CHM: variants seen among roughly 807,000 people sequenced by gnomAD.
CHM encodes the protein CHM Rab escort protein.
In CHM, 10 loss-of-function variants were observed where a neutral mutation model predicts 49.0. The ratio of observed to expected loss-of-function variants is 0.20; its 90% confidence interval spans 0.13 to 0.35. The LOEUF (loss-of-function observed/expected upper bound fraction) is 0.35. Among genes scored for constraint, CHM ranks in the 10% least tolerant of loss-of-function variants. CHM has a pLI of 1.00. For synonymous variants in CHM, 184 were observed against 167.5 expected (o/e 1.10, Z -0.76); for missense variants, 455 against 478.4 (o/e 0.95, Z 0.46).
intron 5 of CHM, among the ~76,000 whole-genome samples, chrX:85,963,238 C>T (rs894455874): frequency 5.4e-5 from 6 of 111,570 alleles, no homozygotes; most frequent in African/African-American, 2.0e-4. Flanking sequence ...CATGTGAACA[C>T]GATTTTTAAA....
intron 8 of CHM, among the ~76,000 whole-genome samples, chrX:85,938,964 C>T (rs1211924492): frequency 1.8e-5 from 2 of 111,556 alleles, no homozygotes; most frequent in Non-Finnish European, 3.8e-5. Context: ...GAGGAAAGTC[C>T]CATAAGATTC....
chrX:85,883,951 A>G (rs927430561), intron 12 of CHM, among the ~76,000 whole-genome samples: 1 of 111,233 alleles, frequency 9.0e-6, no homozygotes, highest in African/African-American at 3.3e-5. Context: ...ATGAGTAAGT[A>G]CTGCAAAGAA....
At chrX:85,901,544 T>TC (rs774361172) in intron 9 of CHM, among the ~76,000 whole-genome samples, 4 of 110,556 alleles carry the variant, frequency 3.6e-5, no homozygotes, top group East Asian at 2.8e-4. Context: ...GGCTTTTTTT[T>TC]CCCCCCTTCA....
intron 1 of CHM, among the ~76,000 whole-genome samples, chrX:86,045,452 A>G (rs1338299261): frequency 9.0e-6 from 1 of 110,749 alleles, no homozygotes; most frequent in Non-Finnish European, 1.9e-5. Context: ...TGTGCTTGAT[A>G]AAACCTAGAA....
intron 8 of CHM, among the ~76,000 whole-genome samples, chrX:85,934,189 G>A (rs763097382): frequency 6.5e-5 from 7 of 107,233 alleles, no homozygotes; most frequent in South Asian, 4.2e-4. Flanking sequence ...ACTGTGTTAC[G>A]CAGGATGGTC....
intron 2 of CHM, among the ~76,000 whole-genome samples, chrX:86,021,151 TATATATAC>T (rs1235137173): frequency 2.6e-4 from 13 of 49,280 alleles, no homozygotes; most frequent in Non-Finnish European, 4.2e-4. Context: ...TATATATATA[TATATATAC>T]ACGTATATAT....
At chrX:86,040,007 C>G (rs1934399935) in intron 1 of CHM, among the ~76,000 whole-genome samples, 1 of 111,770 alleles carries the variant, frequency 8.9e-6, no homozygotes, top group Non-Finnish European at 1.9e-5. Context: ...TTCATGTGAC[C>G]TCATTTCTCC....
At chrX:85,873,851 C>T (rs1924257565) in intron 13 of CHM, among the ~76,000 whole-genome samples, 1 of 111,411 alleles carries the variant, frequency 9.0e-6, no homozygotes, top group Non-Finnish European at 1.9e-5. Flanking sequence ...ACTTTGTTGT[C>T]CTAACTCACA....
At chrX:86,014,714 G>A (rs1176767684) in intron 2 of CHM, among the ~76,000 whole-genome samples, 2 of 111,922 alleles carry the variant, frequency 1.8e-5, no homozygotes, top group African/African-American at 3.2e-5. Flanking sequence ...GGCCAGGCAC[G>A]GTGGCTCACA....
intron 4 of CHM, among the ~76,000 whole-genome samples, chrX:85,972,904 G>T (rs1376914216): frequency 8.9e-6 from 1 of 112,335 alleles, no homozygotes; most frequent in Admixed American, 9.3e-5. Context: ...AGGACTGCCA[G>T]CACGCTGTCA....
rs1932587023 is a variant in CHM, at chrX:85,999,233, A to G, written c.117-17424T>C. Reference sequence around the variant, plus strand: ...CTTGGTGAAATTATTAAAACATACCAATGTTTTCACCTTTTAGGAATAATA... The same window carrying G: ...CTTGGTGAAATTATTAAAACATACCGATGTTTTCACCTTTTAGGAATAATA... On this transcript the variant is annotated intron_variant, in intron 2 of 14. Coordinates refer to ENST00000357749, the MANE Select transcript of CHM (RefSeq NM_000390.4). 3.6e-5 allele frequency among the ~76,000 whole-genome samples: 4 copies of G among 111,527 alleles called. No homozygotes were observed. The Admixed American group carries it at 3.8e-4, about 11-fold the overall frequency.
At chrX:85,872,452 C>A (rs1450353047) in intron 14 of CHM, among the ~76,000 whole-genome samples, 1 of 111,678 alleles carries the variant, frequency 9.0e-6, no homozygotes, top group Non-Finnish European at 1.9e-5. Flanking sequence ...TAGCCCTGAC[C>A]GGGATGGCTA....
chrX:85,872,650 C>T (rs1299968449), intron 14 of CHM, among the ~76,000 whole-genome samples: 1 of 112,255 alleles, frequency 8.9e-6, no homozygotes, highest in East Asian at 2.8e-4. Context: ...TTAGTAGTTA[C>T]AACCTTCTTG....
intron 2 of CHM, among the ~76,000 whole-genome samples, chrX:85,983,227 G>A (rs183650065): frequency 1.8e-5 from 2 of 110,822 alleles, no homozygotes; most frequent in African/African-American, 6.6e-5. Context: ...GGTCTCTTCG[G>A]AAATAATGTA....
At chrX:85,928,162 A>G (rs1401462809) in intron 8 of CHM, among the ~76,000 whole-genome samples, 1 of 112,451 alleles carries the variant, frequency 8.9e-6, no homozygotes, top group Non-Finnish European at 1.9e-5. Flanking sequence ...TACTGTGTGG[A>G]CACAATGAAA....
intron 3 of CHM, 53 bp from the exon 4 acceptor site, chrX:85,978,944 G>T (rs773956891): frequency 1.7e-6 from 2 of 1,143,489 alleles, no homozygotes; most frequent in Admixed American, 4.6e-5. Flanking sequence ...TGTGAAACAT[G>T]CAATTTTCTG....
chrX:85,894,178 C>A lies in CHM; in HGVS notation c.1510+10G>T, dbSNP rs779922845. ...ACACAAAATACAAATAACCACTCTA[C>A]TATGCTTACAGGTGCCTTTCATGCA... is the stretch of plus-strand genomic sequence containing the variant. On this transcript the variant is annotated intron_variant, in intron 12 of 14. Transcript: ENST00000357749. The A allele has an allele frequency of 1.7e-6, 2 of 1,188,838 alleles. No homozygotes were observed. Among genetic ancestry groups the A allele is most frequent in the Admixed American group, 2.2e-5 (1 of 45,999 alleles).
chrX:85,938,140 T>C (rs1743406944), intron 8 of CHM, among the ~76,000 whole-genome samples: 1 of 111,882 alleles, frequency 8.9e-6, no homozygotes, highest in African/African-American at 3.3e-5. Flanking sequence ...AAATGAAGAT[T>C]ATTGAGTTAC....
intron 9 of CHM, among the ~76,000 whole-genome samples, chrX:85,906,330 T>C (rs1051062791): frequency 3.6e-5 from 4 of 112,180 alleles, no homozygotes; most frequent in African/African-American, 1.3e-4. Flanking sequence ...ATCTTCACAA[T>C]AGGTCTCCCC....
Sources: gnomAD v4.1 joint callset for allele counts (sites outside exome capture counted in the v4.1 genomes callset) on GRCh38, gnomAD v4.1.1 for gene constraint, MANE v1.5 for transcripts, NCBI Gene and HGNC (gene_info 2026-07-23, HGNC 2026-07-21) for gene names.